The following COPG2 variants were observed in gnomAD, a reference collection of about 807,000 sequenced individuals.
The protein encoded by COPG2 is coat protein complex I subunit gamma 2.
COPG2 carries 37 observed loss-of-function variants against 46.3 expected under a neutral mutation model. The ratio of observed to expected loss-of-function variants is 0.80; its 90% CI spans 0.61 to 1.05. The LOEUF (loss-of-function observed/expected upper bound fraction) is 1.05, where lower values mean the gene tolerates loss of function less well. Ranked by LOEUF, COPG2 falls within the 50% of genes least tolerant of loss-of-function variation. The probability of loss-of-function intolerance (pLI) is 0.00; values close to 1 mark genes in which losing one functional copy is unlikely to be tolerated. For missense variants in COPG2, 427 were observed against 387.8 expected, an observed-to-expected ratio of 1.10 and a Z score of -0.85; for synonymous variants, 159 against 129.7, an observed-to-expected ratio of 1.23 and a Z score of -1.53.
At chr7:130,656,650 T>C (rs1554459953) in intron 4 of COPG2, among the ~76,000 whole-genome samples, 1 of 152,092 alleles carries the variant, frequency 6.6e-6, no homozygotes, top group African/African-American at 2.4e-5. Flanking sequence ...GGTCAATATA[T>C]AAAAGTTCAT....
At chr7:130,625,192 G>A (rs551889636) in intron 5 of COPG2, among the ~76,000 whole-genome samples, 1 of 152,078 alleles carries the variant, frequency 6.6e-6, no homozygotes, top group South Asian at 2.1e-4. Flanking sequence ...TCATATGTTT[G>A]TTGGCTGTCT....
At chr7:130,585,902 C>G (rs1239218535) in intron 9 of COPG2, among the ~76,000 whole-genome samples, 1 of 152,068 alleles carries the variant, frequency 6.6e-6, no homozygotes, top group East Asian at 1.9e-4. Flanking sequence ...TATAGAAAAA[C>G]AGTGTGGAGA....
chr7:130,581,985 T>C (rs1334698069), intron 9 of COPG2, among the ~76,000 whole-genome samples: 2 of 152,086 alleles, frequency 1.3e-5, no homozygotes, highest in African/African-American at 4.8e-5. Context: ...TTCACAGAAT[T>C]GGAAAAAACT....
chr7:130,657,763 G>C (rs1293018241), intron 4 of COPG2, among the ~76,000 whole-genome samples: 1 of 151,558 alleles, frequency 6.6e-6, no homozygotes, highest in Non-Finnish European at 1.5e-5. Context: ...ATATACGGAA[G>C]GTAAAAATAC....
intron 5 of COPG2, 90 bp downstream of exon 5, chr7:130,652,779 T>C (rs1795773720): frequency 8.7e-6 from 7 of 809,040 alleles, no homozygotes; most frequent in Non-Finnish European, 1.2e-5. Context: ...TAAATTCCTA[T>C]TGGCTTTCTT....
intron 5 of COPG2, among the ~76,000 whole-genome samples, chr7:130,624,891 T>C (rs1319916763): frequency 6.6e-6 from 1 of 152,244 alleles, no homozygotes; most frequent in African/African-American, 2.4e-5. Flanking sequence ...CATGTGTCTT[T>C]TTCATATAAT....
chr7:130,593,248 C>G (rs1584989615), intron 9 of COPG2, among the ~76,000 whole-genome samples: 1 of 152,220 alleles, frequency 6.6e-6, no homozygotes, highest in Non-Finnish European at 1.5e-5. Flanking sequence ...ATCAGGATGG[C>G]TAATCACTAA....
chr7:130,545,312 C>T (rs1793422549), intron 20 of COPG2, among the ~76,000 whole-genome samples: 1 of 152,102 alleles, frequency 6.6e-6, no homozygotes, highest in East Asian at 1.9e-4. Flanking sequence ...CCCATATTCC[C>T]TTCTATTATG....
chr7:130,568,623 A>C (rs1050397130), intron 9 of COPG2, among the ~76,000 whole-genome samples: 5 of 151,168 alleles, frequency 3.3e-5, no homozygotes, highest in African/African-American at 1.2e-4. Flanking sequence ...GTGTACTTCA[A>C]TACTCCACTG....
Position 130,530,131 on chromosome 7 carries a change from G to A in COPG2, c.2149+17543C>T, listed in dbSNP as rs915469442. On this transcript the variant is annotated intron_variant, in intron 20 of 23. Transcript: ENST00000425248. Reference sequence around the variant, plus strand: ...GGAGGAAAGGTAGAACAGGATGGAGGGCAAGACCTGTGTAAGAAGAAGTCT... The same window carrying A: ...GGAGGAAAGGTAGAACAGGATGGAGAGCAAGACCTGTGTAAGAAGAAGTCT... Among the ~76,000 whole-genome samples, 9 of 152,192 alleles carry A rather than the reference G, an allele frequency of 5.9e-5. No homozygotes were observed. The South Asian group carries it at 1.0e-3, about 18-fold the overall frequency.
intron 9 of COPG2, among the ~76,000 whole-genome samples, chr7:130,576,911 T>G (rs1186533751): frequency 6.6e-6 from 1 of 152,124 alleles, no homozygotes; most frequent in Non-Finnish European, 1.5e-5. Flanking sequence ...ATAACTTCAT[T>G]AAGAAACGAA....
intron 2 of COPG2, 92 bp from the exon 3 acceptor site, chr7:130,667,021 C>A: frequency 1.5e-6 from 1 of 656,776 alleles, no homozygotes; most frequent in Non-Finnish European, 2.6e-6. Flanking sequence ...TTTTTAATCA[C>A]GGTATCCAAA....
intron 20 of COPG2, among the ~76,000 whole-genome samples, chr7:130,543,706 A>G (rs1441464489): frequency 6.6e-6 from 1 of 152,232 alleles, no homozygotes; most frequent in Non-Finnish European, 1.5e-5. Context: ...TTACCAATAG[A>G]GCAGGGTTTT....
chr7:130,666,591 C>A (rs1796082098), intron 3 of COPG2, among the ~76,000 whole-genome samples: 1 of 152,124 alleles, frequency 6.6e-6, no homozygotes. Context: ...ATGTATTCTG[C>A]AAATATTCCA....
chr7:130,516,957 G>T (rs1008003770), intron 20 of COPG2, among the ~76,000 whole-genome samples: 2 of 152,160 alleles, frequency 1.3e-5, no homozygotes, highest in African/African-American at 4.8e-5. Flanking sequence ...ACAGGGCAGA[G>T]GGCAGTGGGC....
At chr7:130,646,931 A>G (rs565579) in intron 5 of COPG2, among the ~76,000 whole-genome samples, 18 of 139,832 alleles carry the variant, frequency 1.3e-4, no homozygotes, top group South Asian at 1.1e-3. Context: ...TTGTGTGTGT[A>G]TATATATATA....
intron 5 of COPG2, among the ~76,000 whole-genome samples, chr7:130,624,382 C>T (rs1554454023): frequency 6.6e-6 from 1 of 152,030 alleles, no homozygotes; most frequent in Non-Finnish European, 1.5e-5. Context: ...CTATTATGTC[C>T]TCTATGTGCT....
chr7:130,592,990 A>C (rs1554449236), intron 9 of COPG2, among the ~76,000 whole-genome samples: 2 of 152,246 alleles, frequency 1.3e-5, no homozygotes, highest in East Asian at 3.8e-4. Context: ...CTATACACTG[A>C]CATAGAAAGA....
intron 9 of COPG2, among the ~76,000 whole-genome samples, chr7:130,578,838 T>A (rs1282505998): frequency 1.3e-5 from 2 of 148,524 alleles, no homozygotes; most frequent in Admixed American, 6.7e-5. Context: ...CCAAGAAATA[T>A]GGGACTATGT....
Sources: allele counts gnomAD v4.1 joint callset (sites outside exome capture counted in the v4.1 genomes callset), GRCh38; gene constraint gnomAD v4.1.1; transcripts MANE v1.5; gene names NCBI Gene and HGNC (gene_info 2026-07-23, HGNC 2026-07-21).